The following ZNF407 variants were observed in gnomAD, a reference collection of about 807,000 sequenced individuals.
ZNF407 encodes zinc finger protein 407.
In ZNF407, 17 loss-of-function variants were observed where a neutral mutation model predicts 131.2. The observed-to-expected ratio is 0.13, with a 90% CI of 0.09 to 0.19. The LOEUF (loss-of-function observed/expected upper bound fraction) is 0.19. Ranked by LOEUF, ZNF407 falls within the 10% of genes least tolerant of loss-of-function variation. The pLI, the probability that ZNF407 is intolerant of heterozygous loss-of-function variation, is 1.00. For synonymous variants in ZNF407, 1,156 were observed against 1,062.0 expected (o/e 1.09, Z -1.72); for missense variants, 2,681 against 2,830.6 (o/e 0.95, Z 1.20).
intron 2 of ZNF407, among the ~76,000 whole-genome samples, chr18:74,639,532 A>G (rs918617125): frequency 4.6e-5 from 7 of 152,178 alleles, no homozygotes; most frequent in African/African-American, 1.7e-4. Flanking sequence ...TGTATTTTCT[A>G]ATGTGACTGA....
At chr18:74,666,203 C>T (rs1985924379) in intron 3 of ZNF407, among the ~76,000 whole-genome samples, 2 of 152,174 alleles carry the variant, frequency 1.3e-5, no homozygotes, top group South Asian at 2.1e-4. Flanking sequence ...TCAGACTCGC[C>T]ATTGGCTACC....
At chr18:74,839,558 C>T (rs1970603645) in intron 4 of ZNF407, among the ~76,000 whole-genome samples, 1 of 152,170 alleles carries the variant, frequency 6.6e-6, no homozygotes, top group African/African-American at 2.4e-5. Context: ...CAACTGATTT[C>T]AGCTGTTAGC....
At chr18:74,678,394 T>C (rs2144770686) in intron 3 of ZNF407, among the ~76,000 whole-genome samples, 1 of 152,322 alleles carries the variant, frequency 6.6e-6, no homozygotes, top group South Asian at 2.1e-4. Context: ...TTAGGATAGC[T>C]TCTCCCTTTC....
chr18:75,038,326 T>C (rs933132930), intron 8 of ZNF407, among the ~76,000 whole-genome samples: 1 of 152,196 alleles, frequency 6.6e-6, no homozygotes, highest in African/African-American at 2.4e-5. Flanking sequence ...TTCCCCATAG[T>C]GTCTGAGGTT....
At chr18:74,734,710 T>TG (rs1491165065) in intron 3 of ZNF407, among the ~76,000 whole-genome samples, 24 of 115,926 alleles carry the variant, frequency 2.1e-4, no homozygotes, top group East Asian at 4.2e-4. Context: ...TGTGTGTGTG[T>TG]TTTTGAGAGA....
chr18:74,813,697 C>T (rs1487398089), intron 4 of ZNF407, among the ~76,000 whole-genome samples: 1 of 152,184 alleles, frequency 6.6e-6, no homozygotes, highest in East Asian at 1.9e-4. Flanking sequence ...CATAGCTTAG[C>T]TCCAAGGGCC....
At chr18:74,943,192 A>G (rs1237561031) in intron 8 of ZNF407, among the ~76,000 whole-genome samples, 4 of 152,216 alleles carry the variant, frequency 2.6e-5, no homozygotes, top group Admixed American at 6.5e-5. Flanking sequence ...CTGAGATTAC[A>G]GGTGTGAGCC....
intron 8 of ZNF407, among the ~76,000 whole-genome samples, chr18:75,006,121 A>G (rs548985055): frequency 5.9e-5 from 9 of 152,092 alleles, no homozygotes; most frequent in Non-Finnish European, 1.2e-4. Flanking sequence ...TCAGCCTCAG[A>G]ACTGATGGAG....
chr18:74,813,734 G>A (rs530145782), intron 4 of ZNF407, among the ~76,000 whole-genome samples: 1 of 152,218 alleles, frequency 6.6e-6, no homozygotes, highest in East Asian at 1.9e-4. Flanking sequence ...CCTCTAATTC[G>A]TCTTGTTCTG....
chr18:74,936,495 C>T (rs1972041723), intron 8 of ZNF407, among the ~76,000 whole-genome samples: 1 of 152,218 alleles, frequency 6.6e-6, no homozygotes, highest in South Asian at 2.1e-4. Flanking sequence ...CCACATCCCT[C>T]TCAGTGAGTC....
At position 75,047,950 on chromosome 18, in the gene ZNF407, T is replaced by C. The variant is rs947323493; in HGVS notation, c.5429-15200T>C. On this transcript the variant is annotated intron_variant, in intron 8 of 8. Transcript: ENST00000299687. ...AGAGACGAAGGTAAACACATGAATGTCTGTATTTCCGCACACATCATGCCA... is the reference window on the plus strand; with the variant it reads ...AGAGACGAAGGTAAACACATGAATGCCTGTATTTCCGCACACATCATGCCA... Among the ~76,000 whole-genome samples the C allele has an allele frequency of 9.2e-5, 14 of 152,242 alleles. 1 individual carries two copies. The highest frequency in any genetic ancestry group is 3.4e-4 in the African/African-American group (14 of 41,464).
intron 3 of ZNF407, among the ~76,000 whole-genome samples, chr18:74,665,959 C>T (rs950896933): frequency 6.6e-6 from 1 of 152,146 alleles, no homozygotes; most frequent in African/African-American, 2.4e-5. Flanking sequence ...GAGAGGGCAA[C>T]GTTGCCACCG....
chr18:74,891,670 A>T (rs1971386844), intron 7 of ZNF407, among the ~76,000 whole-genome samples: 1 of 152,224 alleles, frequency 6.6e-6, no homozygotes. Flanking sequence ...TAGAAATTCT[A>T]TGGTGCTCAT....
At chr18:74,723,677 C>T (rs1968091222) in intron 3 of ZNF407, among the ~76,000 whole-genome samples, 1 of 152,064 alleles carries the variant, frequency 6.6e-6, no homozygotes. Flanking sequence ...GGAGCAGTTA[C>T]CCTCTGATCC....
rs35021931 is a variant in ZNF407, at chr18:74,799,903, C to CTTT, written c.4877+18417_4877+18419dup. On this transcript the variant is annotated intron_variant, in intron 4 of 8. Coordinates refer to ENST00000299687, the MANE Select transcript of ZNF407 (RefSeq NM_017757.3). ...TATTGCCGTTGTTGAAAAAAAAATC[C>CTTT]TTTTTTTTTTTTTTTTTTAACCATT... Among the ~76,000 whole-genome samples the CTTT allele has an allele frequency of 7.3e-3, 963 of 131,388 alleles. 15 individuals carry two copies. Among genetic ancestry groups the CTTT allele is most frequent in the African/African-American group, 0.026 (888 of 34,540 alleles). The allele number at this position is 131,388 out of a possible 152,430, so 86.2% of individuals were successfully genotyped here. A position where few individuals can be genotyped will look rare whatever the true frequency, so the allele number is the denominator to read the frequency against.
chr18:74,814,357 T>G (rs1338102433), intron 4 of ZNF407, among the ~76,000 whole-genome samples: 1 of 152,098 alleles, frequency 6.6e-6, no homozygotes, highest in African/African-American at 2.4e-5. Flanking sequence ...ATTCCTGGCC[T>G]CTAATGATCC....
intron 4 of ZNF407, among the ~76,000 whole-genome samples, chr18:74,841,577 C>G (rs1375566818): frequency 6.6e-6 from 1 of 152,190 alleles, no homozygotes; most frequent in African/African-American, 2.4e-5. Context: ...ACCCAGGTGC[C>G]CACCACAGTG....
At chr18:74,976,262 A>T (rs557733321) in intron 8 of ZNF407, among the ~76,000 whole-genome samples, 2 of 152,314 alleles carry the variant, frequency 1.3e-5, no homozygotes, top group East Asian at 3.9e-4. Flanking sequence ...AGAGTAGTTT[A>T]CGTGTTCTGT....
chr18:75,062,392 A>G (rs1030190197), intron 8 of ZNF407: 2 of 152,218 alleles, frequency 1.3e-5, no homozygotes, highest in Non-Finnish European at 2.9e-5. Context: ...TGGGACAGAG[A>G]AGAGGAAGGC....
Sources: allele counts gnomAD v4.1 joint callset (sites outside exome capture counted in the v4.1 genomes callset), GRCh38; gene constraint gnomAD v4.1.1; transcripts MANE v1.5; gene names NCBI Gene and HGNC (gene_info 2026-07-23, HGNC 2026-07-21).